The following TTLL7 variants were observed in gnomAD, a reference collection of about 807,000 sequenced individuals.
The protein encoded by TTLL7 is tubulin polyglutamylase TTLL7.
Under a neutral mutation model 120.2 loss-of-function variants are expected in TTLL7, and 53 were observed. That is an observed-to-expected ratio of 0.44 (90% CI 0.35 to 0.55). TTLL7 has a LOEUF of 0.55. Among genes scored for constraint, TTLL7 ranks in the 20% least tolerant of loss-of-function variants. The pLI is 0.00. For missense variants in TTLL7, 803 were observed against 1,054.7 expected, an observed-to-expected ratio of 0.76 and a Z score of 3.31; for synonymous variants, 353 against 351.7, an observed-to-expected ratio of 1.00 and a Z score of -0.04.
At position 83,906,460 on chromosome 1, in the gene TTLL7, C is replaced by T; in HGVS notation, c.1996G>A (p.Glu666Lys). The change falls in exon 17 of 21, where the codon GAG (glutamate) becomes AAG (lysine). Residue 666 changes from glutamate (E) to lysine (K), a missense_variant. Physicochemically the swap from Glu to Lys is moderately conservative, Grantham distance 56. Around this residue, in one of 3 missense-constraint regions of TTLL7, gnomAD observed 388 missense variants for 450.4 expected, o/e 0.86. Transcript: ENST00000260505. ...DACSTNSQVS[E>K]SLRQLKTKEQ... ...TTTGTTTTCAGTTGCCGCAAAGACT[C>T]ACTCTTAAATTTGAAAGAATACAGA... The T allele has an allele frequency of 6.2e-7, 1 of 1,611,694 alleles. No individual in the cohort carries two copies. Among genetic ancestry groups the T allele is most frequent in the Non-Finnish European group, 8.5e-7 (1 of 1,178,638 alleles).
chr1:83,947,145 G>A lies in TTLL7; in HGVS notation c.485C>T (p.Ala162Val). The change falls in exon 6 of 21, where the codon GCT becomes GTT. Residue 162 changes from alanine to valine, a missense_variant. Ala to Val is a moderately conservative substitution (Grantham distance 64). Around this residue, in one of 3 missense-constraint regions of TTLL7, gnomAD observed 324 missense variants for 507.7 expected, o/e 0.64. Coordinates refer to ENST00000260505, the MANE Select transcript of TTLL7 (RefSeq NM_024686.6). ...CTACCCATGACCCATTGCACCATTA[G>A]CTGGTTTCACTATAAAAGTTTTCTG... is the stretch of plus-strand genomic sequence containing the variant. ...RKQKTFIVKP[A>V]NGAMGHGISL... The A allele has an allele frequency of 6.2e-7, 1 of 1,611,828 alleles. No individual in the cohort carries two copies.
chr1:83,971,445 T>A (rs1206876357), intron 1 of TTLL7, among the ~76,000 whole-genome samples: 1 of 152,144 alleles, frequency 6.6e-6, no homozygotes, highest in Admixed American at 6.6e-5. Context: ...CTATAGTTGA[T>A]TATATTGTTC....
At chr1:83,917,037 G>T (rs927270645) in intron 14 of TTLL7, among the ~76,000 whole-genome samples, 1 of 151,232 alleles carries the variant, frequency 6.6e-6, no homozygotes, top group Non-Finnish European at 1.5e-5. Flanking sequence ...GGAGTGTGAG[G>T]CTACAGTGAG....
At chr1:83,874,492 G>A (rs566294641) in intron 20 of TTLL7, among the ~76,000 whole-genome samples, 15 of 152,002 alleles carry the variant, frequency 9.9e-5, no homozygotes, top group Admixed American at 2.6e-4. Context: ...TAAACACCTC[G>A]GGGTAGAATT....
rs895836437 is a variant in TTLL7, at chr1:83,899,510, T to A, written c.2208+4569A>T. Among the ~76,000 whole-genome samples, 72 of 152,068 alleles carry A rather than the reference T, an allele frequency of 4.7e-4. 1 individual carries two copies. The highest frequency in any genetic ancestry group is 1.7e-3 in the African/African-American group (69 of 41,534). On this transcript the variant is annotated intron_variant, in intron 18 of 20. Transcript: ENST00000260505. The stretch of plus-strand genomic sequence containing the variant: ...TTAAGACCAGCCCTTTCTGTTCTTT[T>A]AAGAGCCAAAATTCAATATATGAAT...
At chr1:83,931,323 T>C (rs1368796664) in intron 9 of TTLL7, among the ~76,000 whole-genome samples, 1 of 152,108 alleles carries the variant, frequency 6.6e-6, no homozygotes, top group Non-Finnish European at 1.5e-5. Flanking sequence ...AAAGTATCCA[T>C]AATAGCTTCT....
Position 83,951,069 on chromosome 1 carries a change from G to A in TTLL7, c.157+776C>T, listed in dbSNP as rs532089597. On this transcript the variant is annotated intron_variant, in intron 3 of 20. Coordinates refer to ENST00000260505, the MANE Select transcript of TTLL7 (RefSeq NM_024686.6). Reference sequence around the variant, plus strand: ...GCAGTTACGTTTAGAAGGAACGTAGGCTGGGCACGGTGGCTCACGCCTGTA... The same window carrying A: ...GCAGTTACGTTTAGAAGGAACGTAGACTGGGCACGGTGGCTCACGCCTGTA... Among the ~76,000 whole-genome samples, 102 of 152,238 alleles carry A rather than the reference G, an allele frequency of 6.7e-4. 1 individual carries two copies. Among genetic ancestry groups the A allele is most frequent in the Non-Finnish European group, 1.3e-3 (87 of 68,030 alleles).
Position 83,911,349 on chromosome 1 carries a change from C to G in TTLL7, c.1602G>C (p.Met534Ile). The change falls in exon 15 of 21, where the codon ATG becomes ATC. Residue 534 changes from methionine to isoleucine, a missense_variant. Transcript: ENST00000260505. ...KTRGPKPLCS[M>I]PESTEIMKRP... The stretch of plus-strand genomic sequence containing the variant: ...TTTTCATTATCTCAGTACTCTCAGG[C>G]ATAGAACACAGAGGCTAAAAAAGAT... 2 of 1,611,736 alleles carry G rather than the reference C, an allele frequency of 1.2e-6. No homozygotes were observed. The highest frequency in any genetic ancestry group is 1.7e-6 in the Non-Finnish European group (2 of 1,178,958).
chr1:83,945,726 T>C (rs1350170198), intron 6 of TTLL7, among the ~76,000 whole-genome samples: 1 of 151,944 alleles, frequency 6.6e-6, no homozygotes, highest in Non-Finnish European at 1.5e-5. Context: ...AGATTATGTA[T>C]GTTTTAATAT....
intron 14 of TTLL7, among the ~76,000 whole-genome samples, chr1:83,917,316 A>G (rs2100786470): frequency 6.6e-6 from 1 of 152,244 alleles, no homozygotes; most frequent in East Asian, 1.9e-4. Context: ...TATGAGGCAA[A>G]CTTAATACTT....
In TTLL7 at chr1:83,911,285, T is replaced by A; in HGVS notation, c.1666A>T (p.Ser556Cys). 6.2e-7 allele frequency: 1 copy of A among 1,613,724 alleles called. No homozygotes were observed. The highest frequency in any genetic ancestry group is 8.5e-7 in the Non-Finnish European group (1 of 1,179,730). Residue 556 changes from serine to cysteine, a missense_variant, in exon 15 of 21, where the codon AGC becomes TGC. Physicochemically the swap from Ser to Cys is moderately radical, Grantham distance 112. Transcript: ENST00000260505. ...YCSSDSSYDS[S>C]SSSSESDENE... The stretch of plus-strand genomic sequence containing the variant: ...TCGTCAGATTCTGAAGAGCTGCTGC[T>A]ACTATCATAACTGCTGTCACTGCTG...
chr1:83,956,817 T>C (rs1649570463), intron 1 of TTLL7, among the ~76,000 whole-genome samples: 2 of 152,192 alleles, frequency 1.3e-5, no homozygotes, highest in Non-Finnish European at 2.9e-5. Context: ...GAGGAATATA[T>C]GGAACATATC....
intron 14 of TTLL7, among the ~76,000 whole-genome samples, chr1:83,916,119 G>A (rs992514613): frequency 2.6e-5 from 4 of 152,146 alleles, no homozygotes; most frequent in South Asian, 2.1e-4. Context: ...AATACCATTT[G>A]ACCCAGCCAT....
chr1:83,942,677 A>T lies in TTLL7; in HGVS notation c.509T>A (p.Ile170Asn). The change falls in exon 7 of 21, where the codon ATT becomes AAT. Residue 170 changes from isoleucine (I) to asparagine (N), a missense_variant and splice_region_variant. Around this residue, in one of 3 missense-constraint regions of TTLL7, gnomAD observed 324 missense variants for 507.7 expected, o/e 0.64. Coordinates refer to ENST00000260505, the MANE Select transcript of TTLL7 (RefSeq NM_024686.6). The stretch of plus-strand genomic sequence containing the variant: ...TTTGTCACCATTTCTTATCAAAGAA[A>T]TCCTATGTTTAAAGAAAAAAATTAA... ...KPANGAMGHGISLIRNGDKLP... is the reference protein window; with the variant it reads ...KPANGAMGHGNSLIRNGDKLP... The T allele has an allele frequency of 6.2e-7, 1 of 1,607,438 alleles. No individual in the cohort carries two copies. Among genetic ancestry groups the T allele is most frequent in the Non-Finnish European group, 8.5e-7 (1 of 1,175,956 alleles).
Position 83,879,571 on chromosome 1 carries a change from C to A in TTLL7, c.2543+3392G>T, listed in dbSNP as rs187738070. Among the ~76,000 whole-genome samples the A allele has an allele frequency of 7.9e-4, 120 of 152,010 alleles. 1 individual carries two copies. Among genetic ancestry groups the A allele is most frequent in the Non-Finnish European group, 1.8e-4 (12 of 67,912 alleles). ...TTTGACTGGATGGATAAGTTGAATT[C>A]CATAATTCAGTATTAGAAAACTCAC... is the stretch of plus-strand genomic sequence containing the variant. On this transcript the variant is annotated intron_variant, in intron 20 of 20. Transcript: ENST00000260505.
chr1:83,877,503 G>A (rs1484599627), intron 20 of TTLL7, among the ~76,000 whole-genome samples: 1 of 151,358 alleles, frequency 6.6e-6, no homozygotes, highest in Non-Finnish European at 1.5e-5. Flanking sequence ...CTTAATAATT[G>A]ATTTAATTTT....
intron 18 of TTLL7, among the ~76,000 whole-genome samples, chr1:83,901,467 C>T (rs1355918599): frequency 6.6e-6 from 1 of 151,862 alleles, no homozygotes; most frequent in African/African-American, 2.4e-5. Context: ...TTATTAATAT[C>T]GTACTCTCTA....
intron 9 of TTLL7, among the ~76,000 whole-genome samples, chr1:83,930,319 T>C (rs552500154): frequency 6.6e-6 from 1 of 152,288 alleles, no homozygotes; most frequent in African/African-American, 2.4e-5. Flanking sequence ...TCTTTCATCA[T>C]GCCATCATTT....
In TTLL7 at chr1:83,918,930, G is replaced by T. The variant is rs6667666; in HGVS notation, c.1500+769C>A. Among the ~76,000 whole-genome samples, 1,511 of 152,094 alleles carry T rather than the reference G, an allele frequency of 9.9e-3. 26 individuals are homozygous for T. Among genetic ancestry groups the T allele is most frequent in the African/African-American group, 0.035 (1,443 of 41,470 alleles). On this transcript the variant is annotated intron_variant, in intron 13 of 20. Transcript: ENST00000260505. ...AGGATAAAAAGAATCTTCTTGAAATGCTCCCTTTTAGAATCCTGAGCTACT... is the reference window on the plus strand; with the variant it reads ...AGGATAAAAAGAATCTTCTTGAAATTCTCCCTTTTAGAATCCTGAGCTACT...
Sources: gnomAD v4.1 joint callset for allele counts (sites outside exome capture counted in the v4.1 genomes callset) on GRCh38, gnomAD v4.1.1 for gene constraint, gnomAD v4.1.1 regional missense constraint, MANE v1.5 for transcripts, NCBI Gene and HGNC (gene_info 2026-07-23, HGNC 2026-07-21) for gene names.